The following CCDC152 variants were observed in gnomAD, a reference collection of about 807,000 sequenced individuals.
The protein encoded by CCDC152 is coiled-coil domain-containing protein 152.
Under a neutral mutation model 38.1 loss-of-function variants are expected in CCDC152, and 37 were observed. The observed-to-expected ratio is 0.97, with a 90% CI of 0.75 to 1.28. The LOEUF (loss-of-function observed/expected upper bound fraction) is 1.28, where lower values mean the gene tolerates loss of function less well. Ranked by LOEUF, CCDC152 falls within the 50% of genes most tolerant of loss-of-function variation. CCDC152 has a pLI of 0.00. For synonymous variants in CCDC152, 83 were observed against 87.1 expected (o/e 0.95, Z 0.26); for missense variants, 259 against 292.1 (o/e 0.89, Z 0.83).
At position 42,800,237 on chromosome 5, in the gene CCDC152, A is replaced by G. The variant is rs1261583218; in HGVS notation, c.*456A>G. 1 of 157,028 alleles carries G rather than the reference A, an allele frequency of 6.4e-6. No individual in the cohort carries two copies. Among genetic ancestry groups the G allele is most frequent in the East Asian group, 1.9e-4 (1 of 5,332 alleles). 9.7% of individuals were successfully genotyped at this position (157,028 alleles called of 1,614,324 possible). On this transcript the variant is annotated 3_prime_UTR_variant, in exon 9 of 9. Transcript: ENST00000361970. ...AATAGTTATATATGCTTTTTTAGCAAAATATTCACGTGTTAAGTATTTCTG... is the reference window on the plus strand; with the variant it reads ...AATAGTTATATATGCTTTTTTAGCAGAATATTCACGTGTTAAGTATTTCTG...
intron 5 of CCDC152, among the ~76,000 whole-genome samples, chr5:42,782,859 C>A: frequency 6.6e-6 from 1 of 151,648 alleles, no homozygotes; most frequent in East Asian, 1.9e-4. Flanking sequence ...TTTTAATTTT[C>A]AAATTAAAAT....
chr5:42,783,531 T>G lies in CCDC152; in HGVS notation c.385T>G (p.Tyr129Asp), dbSNP rs1331002503. 2 of 1,391,462 alleles carry G rather than the reference T, an allele frequency of 1.4e-6. No individual in the cohort carries two copies. The highest frequency in any genetic ancestry group is 3.0e-5 in the African/African-American group (2 of 67,758). 86.2% of individuals were successfully genotyped at this position (1,391,462 alleles called of 1,614,324 possible). The change falls in exon 6 of 9, where the codon TAT becomes GAT. Residue 129 changes from tyrosine to aspartate, a missense_variant. By Grantham distance (160) the Tyr-to-Asp change is radical. Coordinates refer to ENST00000361970, the MANE Select transcript of CCDC152 (RefSeq NM_001134848.2). ...VSEMKIKEEG[Y>D]KKEISKLYQD... ...TGAAATGAAAATCAAAGAGGAGGGA[T>G]ATAAGAAAGAAATAAGCAAACTTTA...
chr5:42,782,874 AT>A (rs953944667), intron 5 of CCDC152, among the ~76,000 whole-genome samples: 16 of 150,226 alleles, frequency 1.1e-4, no homozygotes, highest in Middle Eastern at 3.4e-3. Context: ...TAAAATTTAA[AT>A]TTTTTTTTTG....
At chr5:42,799,243 T>G (rs935332400) in intron 7 of CCDC152, 132 bp from the exon 8 acceptor site, 4 of 462,334 alleles carry the variant, frequency 8.7e-6, no homozygotes, top group Non-Finnish European at 1.5e-5. Context: ...AGAAAGATTT[T>G]TCTATTGTCT....
At chr5:42,780,636 C>T (rs923967917) in intron 5 of CCDC152, among the ~76,000 whole-genome samples, 3 of 152,090 alleles carry the variant, frequency 2.0e-5, no homozygotes, top group African/African-American at 7.2e-5. Flanking sequence ...ACACCACAAC[C>T]CAAGAGTCTG....
At chr5:42,787,516 G>C (rs1183795774) in intron 6 of CCDC152, among the ~76,000 whole-genome samples, 2 of 151,846 alleles carry the variant, frequency 1.3e-5, no homozygotes, top group East Asian at 3.9e-4. Flanking sequence ...CTATTGTACA[G>C]CTGTCTATCT....
chr5:42,799,075 G>C (rs769937755), intron 7 of CCDC152, among the ~76,000 whole-genome samples: 1 of 152,004 alleles, frequency 6.6e-6, no homozygotes, highest in Non-Finnish European at 1.5e-5. Flanking sequence ...TTGAGAAAAA[G>C]ATGACGCTAG....
At chr5:42,773,562 A>C (rs1468236634) in intron 4 of CCDC152, among the ~76,000 whole-genome samples, 1 of 152,212 alleles carries the variant, frequency 6.6e-6, no homozygotes, top group African/African-American at 2.4e-5. Context: ...TCTGGATAAG[A>C]GGATTGATAG....
chr5:42,769,001 G>T (rs369118314), intron 3 of CCDC152, among the ~76,000 whole-genome samples: 8 of 152,178 alleles, frequency 5.3e-5, no homozygotes, highest in African/African-American at 1.7e-4. Flanking sequence ...GAGACCAAGG[G>T]GGGTGGATCA....
chr5:42,760,646 T>C (rs1759540674), intron 2 of CCDC152, among the ~76,000 whole-genome samples: 1 of 152,236 alleles, frequency 6.6e-6, no homozygotes, highest in African/African-American at 2.4e-5. Context: ...TAATATCTAC[T>C]TCTGTTTTCT....
At chr5:42,757,879 C>G (rs985333923) in intron 1 of CCDC152, among the ~76,000 whole-genome samples, 3 of 151,216 alleles carry the variant, frequency 2.0e-5, no homozygotes, top group African/African-American at 4.9e-5. Flanking sequence ...AGGTTAGGTA[C>G]CAAAAAAAAA....
At chr5:42,789,986 C>G (rs1314327559) in intron 6 of CCDC152, among the ~76,000 whole-genome samples, 1 of 152,036 alleles carries the variant, frequency 6.6e-6, no homozygotes. Flanking sequence ...TGGACTTCGT[C>G]AAAGTTATTA....
At chr5:42,762,379 C>A in intron 2 of CCDC152, 64 bp from the exon 3 acceptor site, 1 of 848,302 alleles carries the variant, frequency 1.2e-6, no homozygotes, top group Non-Finnish European at 1.9e-6. Flanking sequence ...TCTGCATATA[C>A]TTAATAAAAA....
rs369054600 is a variant in CCDC152 at position 42,801,304 on chromosome 5, G to A, written c.*1523G>A. The A allele has an allele frequency of 4.2e-5, 68 of 1,609,836 alleles. No individual in the cohort carries two copies. The highest frequency in any genetic ancestry group is 8.9e-5 in the East Asian group (4 of 44,800). On this transcript the variant is annotated 3_prime_UTR_variant, in exon 9 of 9. Coordinates refer to ENST00000361970, the MANE Select transcript of CCDC152 (RefSeq NM_001134848.2). ...TTATCCACAGTAGCCAAAGATACAC[G>A]TTTACAAAAGTCTTCATCTTTGAGA...
chr5:42,768,792 G>A (rs189237955), intron 3 of CCDC152, among the ~76,000 whole-genome samples: 1 of 152,290 alleles, frequency 6.6e-6, no homozygotes, highest in East Asian at 1.9e-4. Flanking sequence ...TTTCCTGGAA[G>A]ATTTGCATGG....
chr5:42,799,983 T>G lies in CCDC152; in HGVS notation c.*202T>G, dbSNP rs966231121. On this transcript the variant is annotated 3_prime_UTR_variant, in exon 9 of 9. Coordinates refer to ENST00000361970, the MANE Select transcript of CCDC152 (RefSeq NM_001134848.2). Reference sequence around the variant, plus strand: ...GTATTAACCATAAAGGAGGTCAGGTTTATAGGGTTTGGTTTACCTATTAAA... The same window carrying G: ...GTATTAACCATAAAGGAGGTCAGGTGTATAGGGTTTGGTTTACCTATTAAA... 4 of 564,678 alleles carry G rather than the reference T, an allele frequency of 7.1e-6. No individual in the cohort carries two copies. The highest frequency in any genetic ancestry group is 1.9e-5 in the African/African-American group (1 of 52,168). 35.0% of individuals were successfully genotyped at this position (564,678 alleles called of 1,614,324 possible). A position where few individuals can be genotyped will look rare whatever the true frequency, so the allele number is the denominator to read the frequency against.
At chr5:42,795,563 G>T (rs937619143) in intron 6 of CCDC152, among the ~76,000 whole-genome samples, 1 of 151,962 alleles carries the variant, frequency 6.6e-6, no homozygotes, top group East Asian at 1.9e-4. Context: ...CAATAAATGC[G>T]GAATACGTAT....
At chr5:42,782,801 GTA>G (rs1358794187) in intron 5 of CCDC152, among the ~76,000 whole-genome samples, 1 of 148,264 alleles carries the variant, frequency 6.7e-6, no homozygotes, top group Non-Finnish European at 1.5e-5. Context: ...ATTCCACAAT[GTA>G]TACATATATT....
chr5:42,796,023 A>G (rs1048276009), intron 6 of CCDC152, among the ~76,000 whole-genome samples: 1 of 150,462 alleles, frequency 6.6e-6, no homozygotes, highest in East Asian at 2.0e-4. Context: ...TCTCACTCAT[A>G]GGTGGGAATT....
Sources: allele counts gnomAD v4.1 joint callset (sites outside exome capture counted in the v4.1 genomes callset), GRCh38; gene constraint gnomAD v4.1.1; transcripts MANE v1.5; gene names NCBI Gene and HGNC (gene_info 2026-07-23, HGNC 2026-07-21).